Variants in ANKFN1 observed in about 807,000 individuals in gnomAD.
ANKFN1 encodes the protein ankyrin repeat and fibronectin type-III domain-containing protein 1.
ANKFN1 carries 74 observed loss-of-function variants against 108.7 expected under a neutral mutation model. That is an observed-to-expected ratio of 0.68 (90% CI 0.56 to 0.83). The LOEUF (loss-of-function observed/expected upper bound fraction) is 0.83. Among genes scored for constraint, ANKFN1 ranks in the 40% least tolerant of loss-of-function variants. The probability of loss-of-function intolerance (pLI) is 0.00; values close to 1 mark genes in which losing one functional copy is unlikely to be tolerated. For missense variants in ANKFN1, 1,505 were observed against 1,382.3 expected, an observed-to-expected ratio of 1.09 and a Z score of -1.41; for synonymous variants, 547 against 516.2, an observed-to-expected ratio of 1.06 and a Z score of -0.81.
At chr17:56,370,220 C>A (rs1422400633) in intron 6 of ANKFN1, among the ~76,000 whole-genome samples, 1 of 152,034 alleles carries the variant, frequency 6.6e-6, no homozygotes, top group Non-Finnish European at 1.5e-5. Context: ...TCTGAAGAGG[C>A]AAAATGCATT....
Position 56,097,582 on chromosome 17 carries a change from A to G in ANKFN1, c.288+51257A>G, listed in dbSNP as rs111588145. Among the ~76,000 whole-genome samples the G allele has an allele frequency of 8.2e-3, 1,247 of 152,290 alleles. 18 individuals carry two copies. The highest frequency in any genetic ancestry group is 0.029 in the African/African-American group (1,196 of 41,550). ...ATGCATCAGTGGTCTGTTAGGGTGG[A>G]GTTTGTGCACAGTCTCTCTCCGCAG... On this transcript the variant is annotated intron_variant, in intron 4 of 12. Coordinates refer to the ANKFN1 transcript ENST00000635860.
chr17:56,357,480 A>G (rs1170493611), intron 6 of ANKFN1, among the ~76,000 whole-genome samples: 3 of 152,170 alleles, frequency 2.0e-5, no homozygotes, highest in African/African-American at 7.2e-5. Context: ...CCACATAACC[A>G]ATATGGAGGG....
At chr17:56,288,768 C>T (rs1255597364) in intron 3 of ANKFN1, among the ~76,000 whole-genome samples, 1 of 152,134 alleles carries the variant, frequency 6.6e-6, no homozygotes, top group Non-Finnish European at 1.5e-5. Context: ...GGTGTGCCTC[C>T]CCTCTACCAC....
At chr17:56,433,845 T>G (rs2048842750) in intron 8 of ANKFN1, among the ~76,000 whole-genome samples, 1 of 148,076 alleles carries the variant, frequency 6.8e-6, no homozygotes, top group African/African-American at 2.5e-5. Context: ...AAAAAAAAAC[T>G]GTAACAGTCA....
chr17:56,119,474 C>T (rs1008649087), intron 4 of ANKFN1, among the ~76,000 whole-genome samples: 1 of 151,962 alleles, frequency 6.6e-6, no homozygotes, highest in Non-Finnish European at 1.5e-5. Context: ...GTACACCAGG[C>T]CAGTAGAACA....
At chr17:56,477,130 C>G (rs915338365) in intron 15 of ANKFN1, among the ~76,000 whole-genome samples, 1 of 152,184 alleles carries the variant, frequency 6.6e-6, no homozygotes, top group African/African-American at 2.4e-5. Context: ...TTTCTCCCAG[C>G]TAAACATTAA....
chr17:56,466,468 T>A lies in ANKFN1; in HGVS notation c.1670T>A (p.Phe557Tyr). 1 of 1,614,172 alleles carries A rather than the reference T, an allele frequency of 6.2e-7. No homozygotes were observed. Among genetic ancestry groups the A allele is most frequent in the Non-Finnish European group, 8.5e-7 (1 of 1,180,030 alleles). Residue 557 changes from phenylalanine (F) to tyrosine (Y), a missense_variant, in exon 15 of 21, where the codon TTT becomes TAT. Physicochemically the swap from Phe to Tyr is conservative, Grantham distance 22. Coordinates refer to ENST00000682825, the MANE Select transcript of ANKFN1 (RefSeq NM_001370326.1). ...IREVEMLYSF[F>Y]NGKWMQISKL... ...GAGGTGGAGATGCTTTATTCATTTT[T>A]TAATGGCAAATGGATGCAGATCTCA...
chr17:56,088,358 T>A (rs1905353312), intron 4 of ANKFN1, among the ~76,000 whole-genome samples: 1 of 151,246 alleles, frequency 6.6e-6, no homozygotes, highest in Admixed American at 6.6e-5. Flanking sequence ...TGATACTGCA[T>A]TTCTCTCTTT....
intron 8 of ANKFN1, among the ~76,000 whole-genome samples, chr17:56,382,768 A>C (rs1381743322): frequency 6.6e-6 from 1 of 152,250 alleles, no homozygotes; most frequent in South Asian, 2.1e-4. Flanking sequence ...CAACTCAACA[A>C]GAAGAGCTAA....
chr17:56,274,477 AAATAAT>A (rs985887284), intron 3 of ANKFN1, among the ~76,000 whole-genome samples: 1 of 152,060 alleles, frequency 6.6e-6, no homozygotes, highest in Non-Finnish European at 1.5e-5. Context: ...CGCCTCAAAA[AAATAAT>A]AATAATAATA....
At chr17:56,148,185 G>C (rs1001208027) in intron 4 of ANKFN1, among the ~76,000 whole-genome samples, 2 of 152,230 alleles carry the variant, frequency 1.3e-5, no homozygotes, top group African/African-American at 4.8e-5. Flanking sequence ...GTTAGCATTA[G>C]AGGACTTGAT....
At chr17:56,372,599 C>T (rs2046839874) in intron 6 of ANKFN1, 47 bp from the exon 7 acceptor site, 1 of 1,512,492 alleles carries the variant, frequency 6.6e-7, no homozygotes, top group Non-Finnish European at 9.1e-7. Context: ...AATGAAGCAG[C>T]ATTTCCCCAG....
chr17:56,206,822 C>G (rs1279429235), intron 1 of ANKFN1: 2 of 152,208 alleles, frequency 1.3e-5, no homozygotes, highest in African/African-American at 2.4e-5. Flanking sequence ...ACACTCCTCT[C>G]TACTTGCAAA....
rs1041991870 is a variant in ANKFN1, at chr17:56,510,792, C to A, written c.2964C>A (p.Ser988=). The change falls in exon 21 of 21, where the codon TCC becomes TCA. Residue 988 remains serine, a synonymous_variant. Transcript: ENST00000682825. ...FTPKNHAKTV[S]GGRPPLGFLG... The stretch of plus-strand genomic sequence containing the variant: ...CCAAGAACCACGCCAAGACTGTGTC[C>A]GGTGGGCGGCCCCCGCTAGGCTTCC... 31 of 1,536,058 alleles carry A rather than the reference C, an allele frequency of 2.0e-5. No homozygotes were observed. Among genetic ancestry groups the A allele is most frequent in the Non-Finnish European group, 2.6e-5 (30 of 1,146,920 alleles).
chr17:56,434,974 C>G (rs909074845), intron 8 of ANKFN1, among the ~76,000 whole-genome samples: 8 of 152,112 alleles, frequency 5.3e-5, no homozygotes, highest in African/African-American at 1.9e-4. Flanking sequence ...CATCGAAGAG[C>G]TGATAGGGAA....
rs761102824 is a variant in ANKFN1, at chr17:56,457,399, G to A, written c.1440+10G>A. The A allele has an allele frequency of 2.5e-6, 4 of 1,574,782 alleles. No individual in the cohort carries two copies. The highest frequency in any genetic ancestry group is 2.1e-5 in the Admixed American group (1 of 48,692). ...TCTGTGGTTCACGAAGGTATACTAAGTTCTGATTTCATTTTTCCCTACTTT... is the reference window on the plus strand; with the variant it reads ...TCTGTGGTTCACGAAGGTATACTAAATTCTGATTTCATTTTTCCCTACTTT... On this transcript the variant is annotated intron_variant, in intron 13 of 20. Transcript: ENST00000682825.
chr17:56,062,377 T>C (rs1035067784), intron 4 of ANKFN1, among the ~76,000 whole-genome samples: 3 of 152,202 alleles, frequency 2.0e-5, no homozygotes, highest in East Asian at 1.9e-4. Context: ...AGTCTCTTTG[T>C]AGGTCTCTAA....
intron 4 of ANKFN1, among the ~76,000 whole-genome samples, chr17:56,074,575 C>T (rs1344191472): frequency 6.6e-6 from 1 of 152,238 alleles, no homozygotes. Flanking sequence ...GCTGCCCCTG[C>T]TCCACGAGCC....
intron 14 of ANKFN1, 88 bp downstream of exon 14, chr17:56,458,067 G>A: frequency 9.2e-7 from 1 of 1,092,080 alleles, no homozygotes. Flanking sequence ...GAAAGGAAAA[G>A]GATGGGCTCC....
Sources: gnomAD v4.1 joint callset for allele counts (sites outside exome capture counted in the v4.1 genomes callset) on GRCh38, gnomAD v4.1.1 for gene constraint, MANE v1.5 for transcripts, NCBI Gene and HGNC (gene_info 2026-07-23, HGNC 2026-07-21) for gene names.